LAMP5: variants seen among roughly 807,000 people sequenced by gnomAD.
LAMP5 encodes the protein lysosome-associated membrane glycoprotein 5.
LAMP5 carries 36 observed loss-of-function variants against 30.2 expected under a neutral mutation model. The observed-to-expected ratio is 1.19, with a 90% confidence interval of 0.91 to 1.57. LAMP5 has a LOEUF of 1.57. LAMP5 is among the 40% of genes most tolerant of loss of function. The probability of loss-of-function intolerance (pLI) is 0.00; values close to 1 mark genes in which losing one functional copy is unlikely to be tolerated. For missense variants in LAMP5, 377 were observed against 354.9 expected, an observed-to-expected ratio of 1.06 and a Z score of -0.50; for synonymous variants, 149 against 134.6, an observed-to-expected ratio of 1.11 and a Z score of -0.74.
intron 5 of LAMP5, among the ~76,000 whole-genome samples, chr20:9,526,056 A>G (rs2045110190): frequency 1.3e-5 from 2 of 152,204 alleles, no homozygotes; most frequent in African/African-American, 4.8e-5. Context: ...AGAAGGGAAG[A>G]GACAGAGGCT....
chr20:9,516,070 A>T lies in LAMP5; in HGVS notation c.308A>T (p.Gln103Leu), dbSNP rs781637924. The T allele has an allele frequency of 3.2e-5, 49 of 1,547,306 alleles. No homozygotes were observed. Among genetic ancestry groups the T allele is most frequent in the Non-Finnish European group, 4.2e-5 (48 of 1,153,440 alleles). The change falls in exon 3 of 6, where the codon CAG (glutamine) becomes CTG (leucine). Residue 103 changes from glutamine to leucine, a missense_variant. Physicochemically the swap from Gln to Leu is moderately radical, Grantham distance 113. Transcript: ENST00000246070. ...GTGAAGGGCCGCTGTGGCCACAGCC[A>T]GTCGGAGCTGCAAGTGTTCTGGGTG... Reference protein sequence around the residue: ...AEVKGRCGHSQSELQVFWVDR... With the variant: ...AEVKGRCGHSLSELQVFWVDR...
At chr20:9,526,860 G>GTATA (rs201564418) in intron 5 of LAMP5, among the ~76,000 whole-genome samples, 4,453 of 79,276 alleles carry the variant, frequency 0.056, 149 homozygotes, top group Non-Finnish European at 0.087. Flanking sequence ...GTGTGTGTGT[G>GTATA]TATATATATA....
At chr20:9,529,597 G>T (rs2045136146) in intron 5 of LAMP5, 45 bp from the exon 6 acceptor site, 3 of 1,559,886 alleles carry the variant, frequency 1.9e-6, no homozygotes, top group South Asian at 1.1e-5. Flanking sequence ...TATGATTCAG[G>T]ATGTTTTGAC....
intron 2 of LAMP5, among the ~76,000 whole-genome samples, 164 bp from the exon 3 acceptor site, chr20:9,515,836 C>T (rs569206123): frequency 1.4e-4 from 22 of 152,358 alleles, no homozygotes; most frequent in African/African-American, 5.3e-4. Flanking sequence ...GCTTCCCTAT[C>T]GGGGCTGCAC....
Position 9,516,373 on chromosome 20 carries a change from C to T in LAMP5, c.475+12C>T. 1 of 1,599,224 alleles carries T rather than the reference C, an allele frequency of 6.3e-7. No homozygotes were observed. Reference sequence around the variant, plus strand: ...AGACGCAGTCAGTGGTGAGTGGAGGCTGGCATGGCTGGGGAGGGAGCCTGG... The same window carrying T: ...AGACGCAGTCAGTGGTGAGTGGAGGTTGGCATGGCTGGGGAGGGAGCCTGG... On this transcript the variant is annotated intron_variant, in intron 4 of 5. Coordinates refer to ENST00000246070, the MANE Select transcript of LAMP5 (RefSeq NM_012261.4).
At chr20:9,518,391 C>T (rs543518961) in intron 5 of LAMP5, among the ~76,000 whole-genome samples, 163 bp downstream of exon 5, 14 of 152,318 alleles carry the variant, frequency 9.2e-5, no homozygotes, top group Non-Finnish European at 2.9e-5. Flanking sequence ...AAGCAGTAAG[C>T]TGAATGTATG....
chr20:9,516,028 TG>T lies in LAMP5; in HGVS notation c.267del (p.Thr90ProfsTer6). The T allele has an allele frequency of 6.5e-7, 1 of 1,530,524 alleles. No individual in the cohort carries two copies. The allele number at this position is 1,530,524 out of a possible 1,614,324, so 94.8% of individuals were successfully genotyped here. On this transcript the variant is annotated frameshift_variant, in exon 3 of 6. Transcript: ENST00000246070. LOFTEE classifies it high-confidence loss of function. ...ATCACAGAACAGGCCGATATCGCAT[TG>T]ACCCGGGGAGCTGAGGTGAAGGGCC... Reference protein sequence around the residue: ...DLITEQADIALTRGAEVKGRC... With the variant: ...DLITEQADIAXTRGAEVKGRC...
intron 5 of LAMP5, among the ~76,000 whole-genome samples, chr20:9,527,570 A>C (rs1045674445): frequency 2.6e-5 from 4 of 152,200 alleles, no homozygotes; most frequent in Non-Finnish European, 5.9e-5. Flanking sequence ...GTAGGTACTT[A>C]ATAAATGTTT....
Position 9,521,441 on chromosome 20 carries a change from G to A in LAMP5, c.664+3213G>A, listed in dbSNP as rs544290672. ...AGCTATTTTACAAATAATTGGATGT[G>A]TAAAGATTTGGGAGTTTGGTGCCAA... On this transcript the variant is annotated intron_variant, in intron 5 of 5. Transcript: ENST00000246070. 1.1e-4 allele frequency among the ~76,000 whole-genome samples: 16 copies of A among 152,318 alleles called. 1 individual carries two copies. The South Asian group carries it at 2.5e-3, about 24-fold the overall frequency.
intron 4 of LAMP5, among the ~76,000 whole-genome samples, 160 bp from the exon 5 acceptor site, chr20:9,517,880 A>G (rs866066318): frequency 1.4e-4 from 21 of 152,314 alleles, no homozygotes; most frequent in Admixed American, 3.9e-4. Flanking sequence ...TTTGTCCTTC[A>G]TCACCACTTG....
In LAMP5 at chr20:9,529,982, C is replaced by T. The variant is rs547040464; in HGVS notation, c.*162C>T. 5 of 595,762 alleles carry T rather than the reference C, an allele frequency of 8.4e-6. No homozygotes were observed. The highest frequency in any genetic ancestry group is 2.8e-5 in the East Asian group (1 of 35,304). The allele number at this position is 595,762 out of a possible 1,614,324, so 36.9% of individuals were successfully genotyped here. A position where few individuals can be genotyped will look rare whatever the true frequency, so the allele number is the denominator to read the frequency against. On this transcript the variant is annotated 3_prime_UTR_variant, in exon 6 of 6. Transcript: ENST00000246070. The stretch of plus-strand genomic sequence containing the variant: ...TGGCTTGTGTCCATGCTTAAACCCA[C>T]GGAAGGGGGAGACTCTTTCGGATTT...
At chr20:9,515,358 A>C (rs1166523988) in intron 1 of LAMP5, 95 bp from the exon 2 acceptor site, 2 of 1,201,340 alleles carry the variant, frequency 1.7e-6, no homozygotes, top group Non-Finnish European at 2.3e-6. Context: ...GAACTTTGTC[A>C]CTCCAAAGCC....
intron 2 of LAMP5, 121 bp from the exon 3 acceptor site, chr20:9,515,879 G>C (rs2045033538): frequency 8.3e-7 from 1 of 1,200,560 alleles, no homozygotes; most frequent in Non-Finnish European, 1.1e-6. Flanking sequence ...CCCGGAACCT[G>C]GGATGCGCGC....
At chr20:9,517,462 C>T (rs1002017614) in intron 4 of LAMP5, among the ~76,000 whole-genome samples, 7 of 151,406 alleles carry the variant, frequency 4.6e-5, no homozygotes, top group African/African-American at 1.5e-4. Context: ...TTTTGAAGTG[C>T]GGTCTCACTC....
At chr20:9,528,030 T>C (rs1483879451) in intron 5 of LAMP5, among the ~76,000 whole-genome samples, 2 of 152,194 alleles carry the variant, frequency 1.3e-5, no homozygotes, top group Non-Finnish European at 1.5e-5. Flanking sequence ...TTATTCACAA[T>C]AGCAAAGTTA....
rs372590985 is a variant in LAMP5, at chr20:9,518,134, G to A, written c.570G>A (p.Leu190=). ...YECQAQQTIS[L]ASSDPQKTVT... ...GTCAAGCTCAACAAACCATTTCACT[G>A]GCCTCTAGTGATCCGCAGAAGACGG... is the stretch of plus-strand genomic sequence containing the variant. The change falls in exon 5 of 6, where the codon CTG becomes CTA. Residue 190 remains leucine, a synonymous_variant. Coordinates refer to ENST00000246070, the MANE Select transcript of LAMP5 (RefSeq NM_012261.4). 50 of 1,613,934 alleles carry A rather than the reference G, an allele frequency of 3.1e-5. No homozygotes were observed. Among genetic ancestry groups the A allele is most frequent in the East Asian group, 2.2e-5 (1 of 44,888 alleles).
At chr20:9,515,070 C>T (rs1000012847) in intron 1 of LAMP5, 154 bp downstream of exon 1, 2 of 699,618 alleles carry the variant, frequency 2.9e-6, no homozygotes, top group African/African-American at 3.6e-5. Flanking sequence ...GAGGGAGGGC[C>T]TTCCTCGCCG....
At chr20:9,518,343 A>G (rs2045057160) in intron 5 of LAMP5, 115 bp downstream of exon 5, 6 of 816,364 alleles carry the variant, frequency 7.3e-6, no homozygotes, top group Non-Finnish European at 9.8e-6. Flanking sequence ...GGTTGAAATG[A>G]CACTGCCTGC....
chr20:9,516,198 AG>A, intron 3 of LAMP5, 57 bp from the exon 4 acceptor site: 2 of 1,608,082 alleles, frequency 1.2e-6, no homozygotes, highest in Non-Finnish European at 1.7e-6. Flanking sequence ...GGCGGCCCCT[AG>A]GTTTAAGAAC....
Sources: allele counts gnomAD v4.1 joint callset (sites outside exome capture counted in the v4.1 genomes callset), GRCh38; gene constraint gnomAD v4.1.1; transcripts MANE v1.5; gene names NCBI Gene and HGNC (gene_info 2026-07-23, HGNC 2026-07-21).